Variants in DYNC2H1 observed in about 807,000 individuals in gnomAD.
The protein encoded by DYNC2H1 is cytoplasmic dynein 2 heavy chain 1.
Under a neutral mutation model 570.0 loss-of-function variants are expected in DYNC2H1, and 410 were observed. The ratio of observed to expected loss-of-function variants is 0.72; its 90% CI spans 0.66 to 0.78. DYNC2H1 has a LOEUF of 0.78. Among genes scored for constraint, DYNC2H1 ranks in the 30% least tolerant of loss-of-function variants. DYNC2H1 has a pLI of 0.00. For synonymous variants in DYNC2H1, 1,688 were observed against 1,677.6 expected (o/e 1.01, Z -0.15); for missense variants, 4,865 against 5,046.4 (o/e 0.96, Z 1.09).
intron 70 of DYNC2H1, among the ~76,000 whole-genome samples, chr11:103,269,660 A>G (rs895999643): frequency 5.3e-5 from 8 of 152,202 alleles, no homozygotes; most frequent in African/African-American, 1.7e-4. Context: ...AGTTTATATT[A>G]TTAGCTATTC....
intron 19 of DYNC2H1, 81 bp from the exon 20 acceptor site, chr11:103,148,409 C>T: frequency 7.1e-7 from 1 of 1,410,920 alleles, no homozygotes; most frequent in Non-Finnish European, 9.7e-7. Context: ...ACTTCTACCA[C>T]CCCTTGATTT....
At chr11:103,431,087 A>G (rs1007226507) in intron 84 of DYNC2H1, among the ~76,000 whole-genome samples, 1 of 152,080 alleles carries the variant, frequency 6.6e-6, no homozygotes, top group African/African-American at 2.4e-5. Flanking sequence ...AGAGAGAGTG[A>G]GTTAACAAAT....
At chr11:103,184,627 T>G (rs1861991286) in intron 40 of DYNC2H1, among the ~76,000 whole-genome samples, 1 of 151,958 alleles carries the variant, frequency 6.6e-6, no homozygotes, top group Non-Finnish European at 1.5e-5. Flanking sequence ...TTCTTTTATA[T>G]TCTTCAGGTT....
chr11:103,280,520 C>T lies in DYNC2H1; in HGVS notation c.10761+107C>T, dbSNP rs373203826. The T allele has an allele frequency of 4.4e-5, 43 of 979,782 alleles. 1 individual carries two copies. The South Asian group carries it at 6.3e-4, about 14-fold the overall frequency. The allele number at this position is 979,782 out of a possible 1,614,324, so 60.7% of individuals were successfully genotyped here. A position where few individuals can be genotyped will look rare whatever the true frequency, so the allele number is the denominator to read the frequency against. ...TTTAGGCTAGAAATTATATATCAAC[C>T]TATTAATCTTTTACTAAGTTAGAAA... On this transcript the variant is annotated intron_variant, in intron 71 of 88. Coordinates refer to ENST00000375735, the MANE Select transcript of DYNC2H1 (RefSeq NM_001377.3). The surrounding 1 kb of genome is among the most constrained non-coding windows in gnomAD (Gnocchi z 4.7).
At chr11:103,443,253 T>C (rs1443734689) in intron 85 of DYNC2H1, among the ~76,000 whole-genome samples, 1 of 152,044 alleles carries the variant, frequency 6.6e-6, no homozygotes, top group Non-Finnish European at 1.5e-5. Flanking sequence ...TGTCAATAAT[T>C]GCATTATGCT....
intron 83 of DYNC2H1, among the ~76,000 whole-genome samples, chr11:103,386,942 A>G (rs2135594350): frequency 6.6e-6 from 1 of 151,800 alleles, no homozygotes; most frequent in South Asian, 2.1e-4. Flanking sequence ...GCTATTGTGA[A>G]TAGTGCAGCA....
At chr11:103,422,281 G>A (rs34655127) in intron 84 of DYNC2H1, among the ~76,000 whole-genome samples, 48,098 of 151,914 alleles carry the variant, frequency 0.32, 7,638 homozygotes, top group Middle Eastern at 0.35. Flanking sequence ...AGCTGGTACC[G>A]TTTCTACTGC....
At chr11:103,394,527 G>A (rs2458648) in intron 83 of DYNC2H1, among the ~76,000 whole-genome samples, 101,860 of 151,612 alleles carry the variant, frequency 0.67, 34,347 homozygotes, top group Admixed American at 0.73. Context: ...ATTGAGGGAG[G>A]CTCAATACCA....
intron 83 of DYNC2H1, among the ~76,000 whole-genome samples, chr11:103,386,102 G>T (rs78415920): frequency 6.6e-6 from 1 of 152,158 alleles, no homozygotes; most frequent in African/African-American, 2.4e-5. Context: ...TTCTGAACTC[G>T]TAGTTACATT....
intron 12 of DYNC2H1, among the ~76,000 whole-genome samples, chr11:103,126,969 A>T (rs376929984): frequency 6.6e-6 from 1 of 152,216 alleles, no homozygotes; most frequent in East Asian, 1.9e-4. Context: ...GTGAACAAGT[A>T]GATCAATATT....
intron 65 of DYNC2H1, among the ~76,000 whole-genome samples, chr11:103,250,977 A>G (rs954555537): frequency 1.3e-5 from 2 of 152,040 alleles, no homozygotes; most frequent in Non-Finnish European, 2.9e-5. Context: ...TAAATGTTCT[A>G]TGGAACTTGA....
intron 59 of DYNC2H1, among the ~76,000 whole-genome samples, chr11:103,229,825 G>A (rs1863937924): frequency 1.3e-5 from 2 of 152,124 alleles, no homozygotes; most frequent in African/African-American, 4.8e-5. Context: ...GTCTAAAAGT[G>A]TCTATAATAT....
At chr11:103,361,902 G>A (rs1389261425) in intron 83 of DYNC2H1, among the ~76,000 whole-genome samples, 6 of 152,132 alleles carry the variant, frequency 3.9e-5, no homozygotes, top group Non-Finnish European at 8.8e-5. Flanking sequence ...TAAACAAAAC[G>A]AGGACAGAAT....
Position 103,120,954 on chromosome 11 carries a change from G to C in DYNC2H1, c.1278G>C (p.Glu426Asp). 6.4e-7 allele frequency: 1 copy of C among 1,561,204 alleles called. No individual in the cohort carries two copies. The highest frequency in any genetic ancestry group is 8.7e-7 in the Non-Finnish European group (1 of 1,156,042). ...TTCAAGCATTCCTGAAATATAAAGA[G>C]TTGGTAAAGCGTCCAACTATAAGCA... ...QLLQAFLKYKELVKRPTISKE... is the reference protein window; with the variant it reads ...QLLQAFLKYKDLVKRPTISKE... Residue 426 changes from glutamate (E) to aspartate (D), a missense_variant, in exon 9 of 89, where the codon GAG (glutamate) becomes GAC (aspartate). By Grantham distance (45) the Glu-to-Asp change is conservative. Transcript: ENST00000375735.
intron 83 of DYNC2H1, among the ~76,000 whole-genome samples, chr11:103,371,034 A>G (rs116559458): frequency 1.1e-4 from 16 of 152,282 alleles, no homozygotes; most frequent in African/African-American, 3.6e-4. Context: ...AATGCAAAAT[A>G]GCTACTTTGA....
At chr11:103,128,738 C>G (rs1591283410) in intron 12 of DYNC2H1, among the ~76,000 whole-genome samples, 172 bp from the exon 13 acceptor site, 1 of 152,264 alleles carries the variant, frequency 6.6e-6, no homozygotes, top group Non-Finnish European at 1.5e-5. Flanking sequence ...TCAACACTTA[C>G]TTGTTGATTG....
chr11:103,450,673 G>T (rs1332847196), intron 85 of DYNC2H1, among the ~76,000 whole-genome samples: 2 of 152,148 alleles, frequency 1.3e-5, no homozygotes, highest in Non-Finnish European at 2.9e-5. Flanking sequence ...ATGTGGACAT[G>T]GCACATTGAG....
chr11:103,446,357 C>T lies in DYNC2H1; in HGVS notation c.12457-8829C>T, dbSNP rs190073092. ...AGTAGTTAGGTATATAGAAGAAAGC[C>T]TGGGAGGCTGTAGTGATCAAGAAGC... On this transcript the variant is annotated intron_variant, in intron 85 of 88. Transcript: ENST00000375735. This position sits in a 1 kb window ranked among gnomAD's most constrained non-coding sequence, Gnocchi z 4.5. Among the ~76,000 whole-genome samples, 3 of 152,196 alleles carry T rather than the reference C, an allele frequency of 2.0e-5. No homozygotes were observed. Among genetic ancestry groups the T allele is most frequent in the Admixed American group, 2.0e-4 (3 of 15,286 alleles).
intron 87 of DYNC2H1, among the ~76,000 whole-genome samples, chr11:103,459,638 T>C (rs1034198701): frequency 2.0e-5 from 3 of 152,088 alleles, no homozygotes; most frequent in African/African-American, 4.8e-5. Context: ...CTCTATAGAC[T>C]GCCATAAAAT....
Sources: gnomAD v4.1 joint callset for allele counts (sites outside exome capture counted in the v4.1 genomes callset) on GRCh38, gnomAD v4.1.1 for gene constraint, Gnocchi (gnomAD v3.1) non-coding constraint, MANE v1.5 for transcripts, NCBI Gene and HGNC (gene_info 2026-07-23, HGNC 2026-07-21) for gene names.